GPATCH11: variants seen among roughly 807,000 people sequenced by gnomAD.
GPATCH11 encodes G-patch domain containing 11, also known as G patch domain-containing protein 11.
Under a neutral mutation model 44.8 loss-of-function variants are expected in GPATCH11, and 32 were observed. That is an observed-to-expected ratio of 0.71 (90% CI 0.54 to 0.96). The LOEUF is 0.96. Among genes scored for constraint, GPATCH11 ranks in the 40% least tolerant of loss-of-function variants. GPATCH11 has a pLI of 0.00. For missense variants in GPATCH11, 324 were observed against 303.1 expected, an observed-to-expected ratio of 1.07 and a Z score of -0.51; for synonymous variants, 84 against 94.4, an observed-to-expected ratio of 0.89 and a Z score of 0.64.
intron 6 of GPATCH11, among the ~76,000 whole-genome samples, chr2:37,093,020 C>A (rs1480806973): frequency 6.6e-6 from 1 of 152,066 alleles, no homozygotes; most frequent in East Asian, 1.9e-4. Flanking sequence ...GTGGCACACA[C>A]CTGTAGTCCT....
At chr2:37,088,697 T>C (rs1033743631) in intron 2 of GPATCH11, among the ~76,000 whole-genome samples, 5 of 152,062 alleles carry the variant, frequency 3.3e-5, no homozygotes, top group African/African-American at 1.2e-4. Flanking sequence ...TTCTTTTTTA[T>C]TATTTGGAGA....
In GPATCH11 at chr2:37,092,200, TAGA is replaced by T. The variant is rs1349548719; in HGVS notation, c.488_490del (p.Glu163del). ...AAAAATAAGCAAGATGAAATGAAGC[TAGA>T]AGGAGATCTCAGAAGAAGCCAGCGA... On this transcript the variant is annotated inframe_deletion, in exon 6 of 9. Coordinates refer to ENST00000674370, the MANE Select transcript of GPATCH11 (RefSeq NM_174931.4). 6 of 1,560,564 alleles carry T rather than the reference TAGA, an allele frequency of 3.8e-6. No individual in the cohort carries two copies. The highest frequency in any genetic ancestry group is 1.4e-5 in the African/African-American group (1 of 72,260).
chr2:37,088,252 C>T, intron 1 of GPATCH11, 117 bp from the exon 2 acceptor site: 1 of 458,554 alleles, frequency 2.2e-6, no homozygotes, highest in South Asian at 5.4e-5. Flanking sequence ...TAAAGATGTC[C>T]AAAGGGCACT....
intron 2 of GPATCH11, 61 bp from the exon 3 acceptor site, chr2:37,089,579 A>T (rs978254675): frequency 8.0e-7 from 1 of 1,253,228 alleles, no homozygotes; most frequent in Non-Finnish European, 1.1e-6. Context: ...AAAAATAAAA[A>T]AAAAAAAAAA....
chr2:37,096,438 G>C lies in GPATCH11; in HGVS notation c.*175G>C. On this transcript the variant is annotated 3_prime_UTR_variant, in exon 9 of 9. Transcript: ENST00000674370. ...TGTTCATTGACTTGAAAAAAATAAT[G>C]CAATGGCATTTCAGAACACAAGTAT... The C allele has an allele frequency of 1.7e-6, 1 of 576,912 alleles. No homozygotes were observed. Among genetic ancestry groups the C allele is most frequent in the Non-Finnish European group, 3.1e-6 (1 of 324,690 alleles). The allele number at this position is 576,912 out of a possible 1,614,324, so 35.7% of individuals were successfully genotyped here.
Position 37,094,141 on chromosome 2 carries a change from A to C in GPATCH11, c.600A>C (p.Glu200Asp). The C allele has an allele frequency of 6.3e-7, 1 of 1,587,690 alleles. No individual in the cohort carries two copies. Among genetic ancestry groups the C allele is most frequent in the Non-Finnish European group, 8.6e-7 (1 of 1,166,198 alleles). Residue 200 changes from glutamate (E) to aspartate (D), a missense_variant, in exon 7 of 9, where the codon GAA becomes GAC. Transcript: ENST00000674370. ...TGAGGCTTGAAGAGGAGACTGAAGA[A>C]GATGAAGAAGAAAAAGAACAGGATG... Reference protein sequence around the residue: ...YWLRLEEETEEDEEEKEQDED... With the variant: ...YWLRLEEETEDDEEEKEQDED...
At chr2:37,089,294 T>G (rs541225534) in intron 2 of GPATCH11, among the ~76,000 whole-genome samples, 30 of 152,224 alleles carry the variant, frequency 2.0e-4, no homozygotes, top group Admixed American at 1.8e-3. Context: ...TGGCCAGGCG[T>G]GGAAGCTCAC....
chr2:37,095,619 A>T, intron 8 of GPATCH11, 101 bp downstream of exon 8: 18 of 1,293,994 alleles, frequency 1.4e-5, no homozygotes, highest in Non-Finnish European at 1.8e-5. Flanking sequence ...ATTCCATTCA[A>T]ATGGCAGTAT....
chr2:37,089,584 A>G, intron 2 of GPATCH11, 56 bp from the exon 3 acceptor site: 1 of 1,293,850 alleles, frequency 7.7e-7, no homozygotes, highest in East Asian at 2.5e-5. Context: ...TAAAAAAAAA[A>G]AAAAAGAAAA....
chr2:37,084,560 A>T lies in GPATCH11; in HGVS notation c.-24A>T. The T allele has an allele frequency of 8.1e-7, 1 of 1,232,360 alleles. No individual in the cohort carries two copies. Among genetic ancestry groups the T allele is most frequent in the East Asian group, 3.2e-5 (1 of 31,706 alleles). The allele number at this position is 1,232,360 out of a possible 1,614,324, so 76.3% of individuals were successfully genotyped here. ...TACGGCGCTGAACCGGGGCGAGCAG[A>T]GAGCTGTCAGGTAAGAGAGCTGTCA... On this transcript the variant is annotated 5_prime_UTR_variant, in exon 1 of 9. It introduces an in-frame stop codon into an upstream open reading frame of the 5' UTR. Coordinates refer to ENST00000674370, the MANE Select transcript of GPATCH11 (RefSeq NM_174931.4).
rs1340300156 is a variant in GPATCH11 at position 37,091,933 on chromosome 2, C to T, written c.346C>T (p.His116Tyr). 6.2e-7 allele frequency: 1 copy of T among 1,612,000 alleles called. No individual in the cohort carries two copies. Among genetic ancestry groups the T allele is most frequent in the Non-Finnish European group, 8.5e-7 (1 of 1,178,652 alleles). Residue 116 changes from histidine to tyrosine, a missense_variant, in exon 5 of 9, where the codon CAT (histidine) becomes TAT (tyrosine). His to Tyr is a moderately conservative substitution (Grantham distance 83). Coordinates refer to ENST00000674370, the MANE Select transcript of GPATCH11 (RefSeq NM_174931.4). ...TTGAATAGGGAAAAGTGGCATTGGT[C>T]ATGAGGCATCATTAAAACGGAAAGC... is the stretch of plus-strand genomic sequence containing the variant. Reference protein sequence around the residue: ...NIKTGKSGIGHEASLKRKAEE... With the variant: ...NIKTGKSGIGYEASLKRKAEE...
chr2:37,084,602 C>T, intron 1 of GPATCH11, 32 bp downstream of exon 1: 1 of 1,226,810 alleles, frequency 8.2e-7, no homozygotes, highest in East Asian at 3.2e-5. Flanking sequence ...GGTCTGGGGA[C>T]AACCGGTAGA....
rs186791223 is a variant in GPATCH11, at chr2:37,092,140, G to A, written c.450-25G>A. The A allele has an allele frequency of 1.3e-5, 20 of 1,543,350 alleles. No homozygotes were observed. In the Admixed American group the frequency reaches 2.7e-4, roughly 21 times the overall value. On this transcript the variant is annotated intron_variant, in intron 5 of 8. Transcript: ENST00000674370. ...TGGTTAAAGATAACGTAGACCTTTA[G>A]TTTACAATTTTTTCTTTCAATTAGA...
At position 37,097,013 on chromosome 2, in the gene GPATCH11, A is replaced by AT. The variant is rs1239872641; in HGVS notation, c.*753dup. ...GACCAGTACTACTAAATTCTAATCC[A>AT]TTTAACTGTGATAATTTCTGGTAAA... On this transcript the variant is annotated 3_prime_UTR_variant, in exon 9 of 9. Coordinates refer to ENST00000674370, the MANE Select transcript of GPATCH11 (RefSeq NM_174931.4). The AT allele has an allele frequency of 1.3e-5, 2 of 152,174 alleles. No individual in the cohort carries two copies. The highest frequency in any genetic ancestry group is 2.9e-5 in the Non-Finnish European group (2 of 68,034). The allele number at this position is 152,174 out of a possible 1,614,324, so 9.4% of individuals were successfully genotyped here.
chr2:37,092,120 A>G (rs1166122568), intron 5 of GPATCH11, 45 bp from the exon 6 acceptor site: 3 of 1,568,460 alleles, frequency 1.9e-6, no homozygotes, highest in Non-Finnish European at 2.6e-6. Context: ...TAAAATGGTT[A>G]AAGATAACGT....
At chr2:37,087,811 A>G (rs1264304333) in intron 1 of GPATCH11, among the ~76,000 whole-genome samples, 5 of 152,198 alleles carry the variant, frequency 3.3e-5, no homozygotes, top group Admixed American at 2.0e-4. Context: ...TCAGATTATG[A>G]AGGACAACAT....
Position 37,094,119 on chromosome 2 carries a change from G to T in GPATCH11, c.578G>T (p.Arg193Met). ...QVPREAWYWLRLEEETEEDEE... is the reference protein window; with the variant it reads ...QVPREAWYWLMLEEETEEDEE... ...CCCAGGGAAGCATGGTACTGGTTGA[G>T]GCTTGAAGAGGAGACTGAAGAAGAT... is the stretch of plus-strand genomic sequence containing the variant. Residue 193 changes from arginine to methionine, a missense_variant, in exon 7 of 9, where the codon AGG becomes ATG. By Grantham distance (91) the Arg-to-Met change is moderately conservative (BLOSUM62 -1). Transcript: ENST00000674370. 1 of 1,597,586 alleles carries T rather than the reference G, an allele frequency of 6.3e-7. No individual in the cohort carries two copies. Among genetic ancestry groups the T allele is most frequent in the Non-Finnish European group, 8.5e-7 (1 of 1,171,626 alleles).
chr2:37,088,347 G>C, intron 1 of GPATCH11, 22 bp from the exon 2 acceptor site: 1 of 1,226,970 alleles, frequency 8.2e-7, no homozygotes, highest in Non-Finnish European at 1.1e-6. Flanking sequence ...AAAAAAAAAA[G>C]TAATTATTAC....
At chr2:37,091,278 T>G (rs1446613187) in intron 4 of GPATCH11, among the ~76,000 whole-genome samples, 1 of 150,994 alleles carries the variant, frequency 6.6e-6, no homozygotes, top group Non-Finnish European at 1.5e-5. Context: ...GAGCTAAGAT[T>G]GCGCCATTGC....
Sources: allele counts gnomAD v4.1 joint callset (sites outside exome capture counted in the v4.1 genomes callset), GRCh38; gene constraint gnomAD v4.1.1; transcripts MANE v1.5; gene names NCBI Gene and HGNC (gene_info 2026-07-23, HGNC 2026-07-21).